Variants in CCDC180 observed in about 807,000 individuals in gnomAD.
CCDC180 encodes the protein coiled-coil domain-containing protein 180.
CCDC180 carries 154 observed loss-of-function variants against 209.2 expected under a neutral mutation model. The observed-to-expected ratio is 0.74, with a 90% confidence interval of 0.65 to 0.84. CCDC180 has a LOEUF of 0.84. CCDC180 is among the 40% of genes least tolerant of loss of function. The pLI, the probability that CCDC180 is intolerant of heterozygous loss-of-function variation, is 0.00. For missense variants in CCDC180, 1,874 were observed against 1,997.3 expected, an observed-to-expected ratio of 0.94 and a Z score of 1.18; for synonymous variants, 778 against 749.1, an observed-to-expected ratio of 1.04 and a Z score of -0.63.
intron 3 of CCDC180, among the ~76,000 whole-genome samples, chr9:97,311,855 G>C (rs1440024215): frequency 6.6e-6 from 1 of 152,158 alleles, no homozygotes; most frequent in East Asian, 1.9e-4. Context: ...TTGACCACCA[G>C]AGCCAGAGCA....
intron 8 of CCDC180, among the ~76,000 whole-genome samples, chr9:97,315,997 C>T (rs1833159948): frequency 6.6e-6 from 1 of 152,172 alleles, no homozygotes; most frequent in Admixed American, 6.5e-5. Context: ...GTCAAGCCAT[C>T]GTAAGTCGGG....
In CCDC180 at chr9:97,361,818, T is replaced by A. The variant is rs747215837; in HGVS notation, c.3576T>A (p.Pro1192=). The A allele has an allele frequency of 6.2e-7, 1 of 1,614,178 alleles. No homozygotes were observed. Among genetic ancestry groups the A allele is most frequent in the Non-Finnish European group, 8.5e-7 (1 of 1,180,030 alleles). Residue 1192 remains proline (P), a synonymous_variant, in exon 27 of 37, where the codon CCT becomes CCA. Transcript: ENST00000529487. ...AGGCCAAGCTGGACGTGGTCACCCC[T>A]GAGTCCTTCACCCAGCTGAGCCGCG... ...EEEAKLDVVT[P]ESFTQLSRVG...
intron 31 of CCDC180, among the ~76,000 whole-genome samples, chr9:97,369,011 A>G (rs912322319): frequency 5.3e-5 from 8 of 152,250 alleles, no homozygotes; most frequent in Admixed American, 6.5e-5. Context: ...GCAAAAGACT[A>G]TGAAAATGAC....
At chr9:97,372,338 C>T (rs1010310363) in intron 34 of CCDC180, 1 of 152,198 alleles carries the variant, frequency 6.6e-6, no homozygotes, top group Non-Finnish European at 1.5e-5. Flanking sequence ...GAAACAGAGA[C>T]TCTGCAGAGA....
intron 15 of CCDC180, 133 bp downstream of exon 15, chr9:97,326,802 T>C: frequency 1.6e-6 from 1 of 617,630 alleles, no homozygotes; most frequent in Non-Finnish European, 2.9e-6. Context: ...TTAGAAAGCA[T>C]GTGGCCCTCT....
rs745520951 is a variant in CCDC180, at chr9:97,330,459, GAA to G, written c.1969_1970del (p.Asn657ArgfsTer10). 8.0e-5 allele frequency: 129 copies of G among 1,614,054 alleles called. No individual in the cohort carries two copies. In the South Asian group the frequency reaches 1.4e-3, roughly 17 times the overall value. ...TARSVEEVEEENDQEMESFIT... is the reference protein window; with the variant it reads ...TARSVEEVEEXNDQEMESFIT... ...CAGGTCAGTAGAAGAGGTGGAAGAA[GAA>G]AACGATCAAGAAATGGAGTCCTTCA... On this transcript the variant is annotated frameshift_variant, in exon 18 of 37. Transcript: ENST00000529487. LOFTEE classifies it high-confidence loss of function.
At chr9:97,336,514 TG>T (rs1348452697) in intron 18 of CCDC180, among the ~76,000 whole-genome samples, 2 of 152,230 alleles carry the variant, frequency 1.3e-5, no homozygotes, top group African/African-American at 4.8e-5. Flanking sequence ...TCTGTTCTAT[TG>T]GTCTGTATCT....
intron 4 of CCDC180, 83 bp downstream of exon 4, chr9:97,312,284 C>A (rs1043145915): frequency 1.1e-5 from 13 of 1,195,462 alleles, no homozygotes; most frequent in South Asian, 3.9e-5. Context: ...CTCCTGGCAA[C>A]TCCTCTGAGG....
At chr9:97,345,181 A>C (rs989093269) in intron 19 of CCDC180, among the ~76,000 whole-genome samples, 1 of 152,228 alleles carries the variant, frequency 6.6e-6, no homozygotes, top group Admixed American at 6.5e-5. Context: ...TCTTCTGGTG[A>C]ATATATGTAT....
In CCDC180 at chr9:97,343,497, C is replaced by G; in HGVS notation, c.2432C>G (p.Thr811Ser). ...TTCTCAGCCATGTTCATCAACGACACTTCCAGTGCCAAGTTCATAGAACAA... is the reference window on the plus strand; with the variant it reads ...TTCTCAGCCATGTTCATCAACGACAGTTCCAGTGCCAAGTTCATAGAACAA... The part of the protein sequence containing the change: ...STFSAMFIND[T>S]SSAKFIEQVT... Residue 811 changes from threonine to serine, a missense_variant, in exon 19 of 37, where the codon ACT (threonine) becomes AGT (serine). By Grantham distance (58) the Thr-to-Ser change is moderately conservative (BLOSUM62 1). Coordinates refer to ENST00000529487, the MANE Select transcript of CCDC180 (RefSeq NM_020893.6). 6.2e-7 allele frequency: 1 copy of G among 1,614,062 alleles called. No homozygotes were observed. Among genetic ancestry groups the G allele is most frequent in the Non-Finnish European group, 8.5e-7 (1 of 1,179,982 alleles).
chr9:97,354,442 C>T, intron 22 of CCDC180, 127 bp from the exon 23 acceptor site: 1 of 914,700 alleles, frequency 1.1e-6, no homozygotes, highest in Non-Finnish European at 1.7e-6. Flanking sequence ...TATCTGTGTT[C>T]ATTTTCCCAC....
rs774683499 is a variant in CCDC180 at position 97,360,054 on chromosome 9, C to T, written c.3436C>T (p.Leu1146Phe). 5.6e-6 allele frequency: 9 copies of T among 1,614,028 alleles called. No homozygotes were observed. The highest frequency in any genetic ancestry group is 7.6e-6 in the Non-Finnish European group (9 of 1,179,938). The change falls in exon 26 of 37, where the codon CTT becomes TTT. Residue 1146 changes from leucine to phenylalanine, a missense_variant. Leu to Phe is a conservative substitution (Grantham distance 22, BLOSUM62 0). Transcript: ENST00000529487. ...AAAACTGAGCCAGAGGATTCAGTAC[C>T]TTAACTGCAGCCTGGACAGGGTGTC... The part of the protein sequence containing the change: ...KEKLSQRIQY[L>F]NCSLDRVSMT...
Position 97,317,319 on chromosome 9 carries a change from T to G in CCDC180, c.959+91T>G, listed in dbSNP as rs566780096. On this transcript the variant is annotated intron_variant, in intron 9 of 36. Coordinates refer to ENST00000529487, the MANE Select transcript of CCDC180 (RefSeq NM_020893.6). ...ATTCTCCCTCACTTTTTGCCATTAC[T>G]TAAAAATGCTGCTGTTTCTCTCTGC... 20 of 1,160,488 alleles carry G rather than the reference T, an allele frequency of 1.7e-5. No homozygotes were observed. In the African/African-American group the frequency reaches 2.5e-4, roughly 14 times the overall value. 71.9% of individuals were successfully genotyped at this position (1,160,488 alleles called of 1,614,324 possible).
intron 18 of CCDC180, among the ~76,000 whole-genome samples, chr9:97,338,637 T>C (rs943062411): frequency 6.6e-6 from 1 of 152,232 alleles, no homozygotes; most frequent in Admixed American, 6.5e-5. Context: ...ATGTATATTC[T>C]GTTGATTTGG....
At chr9:97,323,549 C>G (rs1312624401) in intron 12 of CCDC180, among the ~76,000 whole-genome samples, 4 of 152,134 alleles carry the variant, frequency 2.6e-5, no homozygotes, top group South Asian at 2.1e-4. Context: ...TGTTGTGAAG[C>G]ATGTTCGGCT....
chr9:97,335,647 T>C (rs1357376261), intron 18 of CCDC180, among the ~76,000 whole-genome samples: 1 of 152,232 alleles, frequency 6.6e-6, no homozygotes, highest in Admixed American at 6.5e-5. Flanking sequence ...TACATGTGCA[T>C]GTGTCTTTAT....
chr9:97,312,145 G>T lies in CCDC180; in HGVS notation c.293G>T (p.Arg98Leu), dbSNP rs774386671. ...GAAAGAGCCAAGAGGGAAAAAGCCCGAGAGAGTGAGAACACCATCGCTGCC... is the reference window on the plus strand; with the variant it reads ...GAAAGAGCCAAGAGGGAAAAAGCCCTAGAGAGTGAGAACACCATCGCTGCC... ...EKERAKREKARESENTIAARE... is the reference protein window; with the variant it reads ...EKERAKREKALESENTIAARE... The change falls in exon 4 of 37, where the codon CGA becomes CTA. Residue 98 changes from arginine to leucine, a missense_variant. Coordinates refer to ENST00000529487, the MANE Select transcript of CCDC180 (RefSeq NM_020893.6). 1.2e-6 allele frequency: 2 copies of T among 1,613,976 alleles called. No homozygotes were observed. Among genetic ancestry groups the T allele is most frequent in the Non-Finnish European group, 1.7e-6 (2 of 1,179,978 alleles).
chr9:97,364,111 G>GC lies in CCDC180; in HGVS notation c.3965dup (p.Pro1323SerfsTer8). The GC allele has an allele frequency of 6.2e-7, 1 of 1,614,110 alleles. No individual in the cohort carries two copies. Among genetic ancestry groups the GC allele is most frequent in the Non-Finnish European group, 8.5e-7 (1 of 1,180,008 alleles). On this transcript the variant is annotated frameshift_variant, in exon 29 of 37. Transcript: ENST00000529487. LOFTEE classifies it high-confidence loss of function. Reference sequence around the variant, plus strand: ...GAAAGTACCGGGTGCTTGGGGACAAGCCTCCCCCTGCTGCCGAGTGAGTAA... The same window carrying GC: ...GAAAGTACCGGGTGCTTGGGGACAAGCCCTCCCCCTGCTGCCGAGTGAGTAA...
Position 97,330,185 on chromosome 9 carries a change from G to C in CCDC180, c.1820G>C (p.Arg607Thr), listed in dbSNP as rs1825691610. The stretch of plus-strand genomic sequence containing the variant: ...GCTGGAGAAGTCATTTTCAAATTCA[G>C]GCAACCAGGTAACACTTTTTCAATT... ...NLAGEVIFKF[R>T]QPEAHEKPSQ... Residue 607 changes from arginine (R) to threonine (T), a missense_variant, in exon 17 of 37, where the codon AGG becomes ACG. Arg to Thr is a moderately conservative substitution (Grantham distance 71). Transcript: ENST00000529487. 6.2e-7 allele frequency: 1 copy of C among 1,613,728 alleles called. No homozygotes were observed. Among genetic ancestry groups the C allele is most frequent in the Admixed American group, 1.7e-5 (1 of 59,976 alleles).
Sources: gnomAD v4.1 joint callset for allele counts (sites outside exome capture counted in the v4.1 genomes callset) on GRCh38, gnomAD v4.1.1 for gene constraint, MANE v1.5 for transcripts, NCBI Gene and HGNC (gene_info 2026-07-23, HGNC 2026-07-21) for gene names.